OTUD7A: variants seen among roughly 807,000 people sequenced by gnomAD.
OTUD7A encodes the protein OTU domain-containing protein 7A.
In OTUD7A, 12 loss-of-function variants were observed where a neutral mutation model predicts 65.7. That is an observed-to-expected ratio of 0.18 (90% confidence interval 0.12 to 0.30). The LOEUF is 0.30. Ranked by LOEUF, OTUD7A falls within the 10% of genes least tolerant of loss-of-function variation. The pLI is 1.00. For missense variants in OTUD7A, 1,148 were observed against 1,304.8 expected (o/e 0.88, Z 1.85); for synonymous variants, 641 against 586.3 (o/e 1.09, Z -1.35).
At chr15:31,518,383 T>C (rs969049022) in intron 8 of OTUD7A, among the ~76,000 whole-genome samples, 1 of 151,800 alleles carries the variant, frequency 6.6e-6, no homozygotes, top group Admixed American at 6.6e-5. Flanking sequence ...TGAGGCAGGA[T>C]CATCGCTTGA....
At chr15:31,598,858 G>T (rs767849048) in intron 3 of OTUD7A, among the ~76,000 whole-genome samples, 10 of 152,132 alleles carry the variant, frequency 6.6e-5, no homozygotes, top group Admixed American at 6.5e-4. Flanking sequence ...TGAGTAGGTG[G>T]TTTTACCCTC....
At chr15:31,641,262 T>C (rs1891508187) in intron 3 of OTUD7A, among the ~76,000 whole-genome samples, 3 of 152,206 alleles carry the variant, frequency 2.0e-5, no homozygotes, top group Admixed American at 2.0e-4. Flanking sequence ...CCACCATGAC[T>C]GTAAGTTTCC....
intron 1 of OTUD7A, among the ~76,000 whole-genome samples, chr15:31,718,346 T>C (rs1893648338): frequency 6.6e-6 from 1 of 152,224 alleles, no homozygotes; most frequent in Non-Finnish European, 1.5e-5. Flanking sequence ...CATCAAATGG[T>C]GACTATTTCC....
chr15:31,639,204 C>A (rs1891439016), intron 3 of OTUD7A, among the ~76,000 whole-genome samples: 1 of 152,110 alleles, frequency 6.6e-6, no homozygotes, highest in African/African-American at 2.4e-5. Context: ...GACCTGCATT[C>A]CATCGCTATA....
At chr15:31,710,880 G>A (rs1207551671) in intron 1 of OTUD7A, among the ~76,000 whole-genome samples, 1 of 152,136 alleles carries the variant, frequency 6.6e-6, no homozygotes, top group Non-Finnish European at 1.5e-5. Context: ...TGGGGTAGGG[G>A]AGTCTTTCTT....
At chr15:31,669,516 A>G (rs1350953101) in intron 1 of OTUD7A, among the ~76,000 whole-genome samples, 1 of 152,124 alleles carries the variant, frequency 6.6e-6, no homozygotes, top group South Asian at 2.1e-4. Context: ...TAACAGCCCC[A>G]AGTCTGTTTC....
intron 3 of OTUD7A, among the ~76,000 whole-genome samples, chr15:31,599,798 T>G (rs934282017): frequency 6.6e-6 from 1 of 152,032 alleles, no homozygotes; most frequent in African/African-American, 2.4e-5. Context: ...AGAACATAAA[T>G]GACCTGATGG....
chr15:31,555,725 A>G (rs1418742331), intron 5 of OTUD7A, among the ~76,000 whole-genome samples: 1 of 152,132 alleles, frequency 6.6e-6, no homozygotes, highest in Non-Finnish European at 1.5e-5. Flanking sequence ...AGCAGAGGAA[A>G]GGAGTTCGGA....
At chr15:31,496,928 A>G (rs2141075849) in intron 10 of OTUD7A, among the ~76,000 whole-genome samples, 1 of 152,124 alleles carries the variant, frequency 6.6e-6, no homozygotes, top group East Asian at 1.9e-4. Context: ...CAAGTATCAC[A>G]TTTTGAATGT....
At chr15:31,853,715 C>G (rs958217661) in intron 1 of OTUD7A, among the ~76,000 whole-genome samples, 5 of 152,250 alleles carry the variant, frequency 3.3e-5, no homozygotes, top group Admixed American at 2.0e-4. Context: ...ACCCTGAAAT[C>G]TAGGGAACAC....
Position 31,479,171 on chromosome 15 carries a change from C to T in OTUD7A, c.*4123G>A, listed in dbSNP as rs1433132514. 6.6e-6 allele frequency: 1 copy of T among 152,244 alleles called. No homozygotes were observed. Among genetic ancestry groups the T allele is most frequent in the Non-Finnish European group, 1.5e-5 (1 of 68,072 alleles). 9.4% of individuals were successfully genotyped at this position (152,244 alleles called of 1,614,324 possible). ...CTGGCATGCCAGCCACCTCTAGGCC[C>T]TTCATACGGTGTGTCTGTCCTCAGC... On this transcript the variant is annotated 3_prime_UTR_variant, in exon 13 of 13. Transcript: ENST00000307050.
intron 1 of OTUD7A, among the ~76,000 whole-genome samples, chr15:31,825,159 T>C (rs530990654): frequency 1.3e-5 from 2 of 152,356 alleles, no homozygotes; most frequent in East Asian, 3.9e-4. Flanking sequence ...TTCACCAGGA[T>C]GTCAGTCAGT....
chr15:31,521,675 G>A (rs558580486), intron 8 of OTUD7A, among the ~76,000 whole-genome samples: 1 of 152,280 alleles, frequency 6.6e-6, no homozygotes, highest in Non-Finnish European at 1.5e-5. Context: ...AATCACTTGG[G>A]ATTCTAGCTA....
chr15:31,766,129 C>T (rs552643924), intron 1 of OTUD7A: 9 of 1,447,696 alleles, frequency 6.2e-6, no homozygotes, highest in African/African-American at 1.4e-5. Context: ...TAAGAGGGTA[C>T]TTGAAGAATT....
chr15:31,483,914 G>A lies in OTUD7A; in HGVS notation c.2182C>T (p.Leu728Phe). 9.4e-7 allele frequency: 1 copy of A among 1,064,090 alleles called. No homozygotes were observed. The highest frequency in any genetic ancestry group is 1.1e-6 in the Non-Finnish European group (1 of 877,680). 65.9% of individuals were successfully genotyped at this position (1,064,090 alleles called of 1,614,324 possible). A position where few individuals can be genotyped will look rare whatever the true frequency, so the allele number is the denominator to read the frequency against. Residue 728 changes from leucine to phenylalanine, a missense_variant, in exon 13 of 13, where the codon CTC (leucine) becomes TTC (phenylalanine). Leu to Phe is a conservative substitution (Grantham distance 22). Coordinates refer to ENST00000307050, the MANE Select transcript of OTUD7A (RefSeq NM_001382637.1). ...GGCCCGGGGCTCGGCCGCTCCTTGA[G>A]CTTGAGCACCAGCTGCGTGGGTGGG... Reference protein sequence around the residue: ...PGPPTQLVLKLKERPSPGPAA... With the variant: ...PGPPTQLVLKFKERPSPGPAA...
In OTUD7A at chr15:31,602,913, G is replaced by T. The variant is rs141573797; in HGVS notation, c.152-32716C>A. Among the ~76,000 whole-genome samples the T allele has an allele frequency of 2.6e-4, 40 of 152,158 alleles. 1 individual carries two copies. The highest frequency in any genetic ancestry group is 5.3e-4 in the Non-Finnish European group (36 of 67,974). ...ATGTGAAGGACCTCTTCAAGGAGAAGTACAAACCACTGCTCAAGGTAATAA... is the reference window on the plus strand; with the variant it reads ...ATGTGAAGGACCTCTTCAAGGAGAATTACAAACCACTGCTCAAGGTAATAA... On this transcript the variant is annotated intron_variant, in intron 3 of 12. Coordinates refer to ENST00000307050, the MANE Select transcript of OTUD7A (RefSeq NM_001382637.1).
chr15:31,717,176 T>C (rs1471250531), intron 1 of OTUD7A, among the ~76,000 whole-genome samples: 2 of 152,218 alleles, frequency 1.3e-5, no homozygotes, highest in African/African-American at 4.8e-5. Context: ...TGCATTTCGT[T>C]TTCATGTTTC....
intron 4 of OTUD7A, among the ~76,000 whole-genome samples, chr15:31,563,533 G>A (rs1037389175): frequency 6.6e-6 from 1 of 152,192 alleles, no homozygotes; most frequent in African/African-American, 2.4e-5. Flanking sequence ...AGGGCGTCTT[G>A]GTCCTGCCTT....
At chr15:31,757,347 T>G (rs1023416871) in intron 1 of OTUD7A, among the ~76,000 whole-genome samples, 2 of 148,656 alleles carry the variant, frequency 1.3e-5, no homozygotes, top group African/African-American at 4.9e-5. Flanking sequence ...TGAAATAATA[T>G]ATATATTATA....
Sources: gnomAD v4.1 joint callset for allele counts (sites outside exome capture counted in the v4.1 genomes callset) on GRCh38, gnomAD v4.1.1 for gene constraint, MANE v1.5 for transcripts, NCBI Gene and HGNC (gene_info 2026-07-23, HGNC 2026-07-21) for gene names.